Variants in TCERG1L observed in about 807,000 individuals in gnomAD.
The protein encoded by TCERG1L is transcription elongation regulator 1 like.
In TCERG1L, 37 loss-of-function variants were observed where a neutral mutation model predicts 56.3. The ratio of observed to expected loss-of-function variants is 0.66; its 90% CI spans 0.51 to 0.87. The LOEUF (loss-of-function observed/expected upper bound fraction) is 0.87, where lower values mean the gene tolerates loss of function less well. TCERG1L is among the 40% of genes least tolerant of loss of function. TCERG1L has a pLI of 0.00. For synonymous variants in TCERG1L, 324 were observed against 326.3 expected, an observed-to-expected ratio of 0.99 and a Z score of 0.08; for missense variants, 799 against 774.2, an observed-to-expected ratio of 1.03 and a Z score of -0.38.
chr10:131,285,199 A>T (rs1057267424), intron 3 of TCERG1L, among the ~76,000 whole-genome samples: 8 of 151,844 alleles, frequency 5.3e-5, no homozygotes, highest in African/African-American at 2.4e-5. Flanking sequence ...CCAACATGGT[A>T]AAACCCTGTC....
intron 4 of TCERG1L, among the ~76,000 whole-genome samples, chr10:131,246,000 C>G (rs969855846): frequency 1.3e-5 from 2 of 152,086 alleles, no homozygotes; most frequent in Admixed American, 6.5e-5. Flanking sequence ...AGGCCGAGAG[C>G]CCCCCAAGTG....
chr10:131,110,568 G>A (rs749085990), intron 9 of TCERG1L, among the ~76,000 whole-genome samples: 6 of 152,332 alleles, frequency 3.9e-5, no homozygotes, highest in East Asian at 1.9e-4. Flanking sequence ...CACTGTCCAC[G>A]CCTCCTGCTG....
intron 4 of TCERG1L, among the ~76,000 whole-genome samples, chr10:131,223,830 C>T (rs1399581547): frequency 6.6e-6 from 1 of 151,700 alleles, no homozygotes; most frequent in Non-Finnish European, 1.5e-5. Flanking sequence ...CACCCACGAA[C>T]CCTCCCCTGG....
intron 3 of TCERG1L, among the ~76,000 whole-genome samples, chr10:131,302,483 C>T (rs1370741442): frequency 1.3e-5 from 2 of 151,782 alleles, no homozygotes; most frequent in Non-Finnish European, 2.9e-5. Flanking sequence ...ATATTTCCCC[C>T]AAAACATGTT....
chr10:131,114,958 G>C (rs988825687), intron 9 of TCERG1L, among the ~76,000 whole-genome samples: 2 of 152,180 alleles, frequency 1.3e-5, no homozygotes, highest in African/African-American at 4.8e-5. Flanking sequence ...TTTCCACAAG[G>C]GCCGTGCAGT....
chr10:131,265,979 G>T (rs12248926), intron 3 of TCERG1L, among the ~76,000 whole-genome samples: 1 of 152,180 alleles, frequency 6.6e-6, no homozygotes, highest in Non-Finnish European at 1.5e-5. Flanking sequence ...CATTTTAGCC[G>T]CAGTAGAACT....
intron 4 of TCERG1L, among the ~76,000 whole-genome samples, chr10:131,180,567 T>C (rs1353761411): frequency 2.0e-5 from 3 of 152,196 alleles, no homozygotes; most frequent in Non-Finnish European, 2.9e-5. Context: ...CTGATACGAT[T>C]GTGTAGAAGA....
chr10:131,139,696 G>A lies in TCERG1L; in HGVS notation c.1190-5248C>T, dbSNP rs1378809941. Among the ~76,000 whole-genome samples, 5 of 151,894 alleles carry A rather than the reference G, an allele frequency of 3.3e-5. No homozygotes were observed. The Middle Eastern group carries it at 0.01, about 310-fold the overall frequency. ...TGCATATGTGTGTGTGTGTCTGTGT[G>A]TGTGTGTGTGTGTGTCTGTGTGTAT... On this transcript the variant is annotated intron_variant, in intron 7 of 11. Transcript: ENST00000368642.
intron 3 of TCERG1L, among the ~76,000 whole-genome samples, chr10:131,281,610 T>C (rs377261978): frequency 3.9e-5 from 6 of 152,278 alleles, no homozygotes; most frequent in African/African-American, 1.4e-4. Flanking sequence ...TGCCTGTTTC[T>C]ATTCTTCCCA....
chr10:131,274,276 T>C (rs891199243), intron 3 of TCERG1L, among the ~76,000 whole-genome samples: 5 of 152,206 alleles, frequency 3.3e-5, no homozygotes, highest in Non-Finnish European at 7.3e-5. Context: ...ACGCAGCCTT[T>C]GGGTGGCGGA....
intron 8 of TCERG1L, among the ~76,000 whole-genome samples, chr10:131,130,948 A>C (rs1845612117): frequency 6.6e-6 from 1 of 152,140 alleles, no homozygotes; most frequent in African/African-American, 2.4e-5. Context: ...AATATGGGGT[A>C]ACTGAATTAT....
rs935634126 is a variant in TCERG1L, at chr10:131,267,557, T to C, written c.671-7113A>G. Among the ~76,000 whole-genome samples, 2 of 152,138 alleles carry C rather than the reference T, an allele frequency of 1.3e-5. No homozygotes were observed. Among genetic ancestry groups the C allele is most frequent in the Non-Finnish European group, 2.9e-5 (2 of 68,012 alleles). Reference sequence around the variant, plus strand: ...TTCTCTGCGTCTCCCTCTGCCGCAGTGGTGGCCCTTGCACAAGTGAACCCG... The same window carrying C: ...TTCTCTGCGTCTCCCTCTGCCGCAGCGGTGGCCCTTGCACAAGTGAACCCG... On this transcript the variant is annotated intron_variant, in intron 3 of 11. Coordinates refer to ENST00000368642, the MANE Select transcript of TCERG1L (RefSeq NM_174937.4). The surrounding 1 kb of genome is among the most constrained non-coding windows in gnomAD (Gnocchi z 4.9).
chr10:131,106,876 A>G (rs1198499917), intron 9 of TCERG1L, among the ~76,000 whole-genome samples: 1 of 152,222 alleles, frequency 6.6e-6, no homozygotes, highest in East Asian at 1.9e-4. Flanking sequence ...TTTAACTGTC[A>G]AATTTAAGCC....
chr10:131,165,052 A>T (rs1233624651), intron 5 of TCERG1L, among the ~76,000 whole-genome samples: 2 of 152,230 alleles, frequency 1.3e-5, no homozygotes, highest in African/African-American at 4.8e-5. Flanking sequence ...ATGAGATTAG[A>T]ACAAAAATTA....
At chr10:131,213,229 G>A (rs898584031) in intron 4 of TCERG1L, among the ~76,000 whole-genome samples, 8 of 152,200 alleles carry the variant, frequency 5.3e-5, no homozygotes, top group African/African-American at 1.4e-4. Context: ...CCTGGCACAC[G>A]GGAAGATGGC....
rs140979087 is a variant in TCERG1L, at chr10:131,145,155, A to G, written c.1189+1351T>C. Reference sequence around the variant, plus strand: ...TGATCTGCCTTTGCCAAGCAAATAAAATCATTGTTAGGACAAACTGTGCCT... The same window carrying G: ...TGATCTGCCTTTGCCAAGCAAATAAGATCATTGTTAGGACAAACTGTGCCT... On this transcript the variant is annotated intron_variant, in intron 7 of 11. Coordinates refer to ENST00000368642, the MANE Select transcript of TCERG1L (RefSeq NM_174937.4). Among the ~76,000 whole-genome samples, 740 of 152,340 alleles carry G rather than the reference A, an allele frequency of 4.9e-3. 8 individuals carry two copies. The highest frequency in any genetic ancestry group is 0.016 in the African/African-American group (684 of 41,582).
intron 6 of TCERG1L, among the ~76,000 whole-genome samples, chr10:131,148,387 CAT>C (rs1564801509): frequency 1.3e-5 from 2 of 151,670 alleles, no homozygotes; most frequent in South Asian, 2.1e-4. Context: ...GAGACACACA[CAT>C]AAACACACAG....
intron 11 of TCERG1L, among the ~76,000 whole-genome samples, chr10:131,097,238 C>T (rs1845258346): frequency 6.7e-6 from 1 of 148,448 alleles, no homozygotes; most frequent in Non-Finnish European, 1.5e-5. Context: ...AAACAAAAAA[C>T]TGATGCTGCA....
chr10:131,202,133 C>T (rs1845444241), intron 4 of TCERG1L, among the ~76,000 whole-genome samples: 2 of 152,184 alleles, frequency 1.3e-5, no homozygotes, highest in South Asian at 2.1e-4. Flanking sequence ...TGCATGATCA[C>T]CAGCTGCACG....
Sources: allele counts gnomAD v4.1 joint callset (sites outside exome capture counted in the v4.1 genomes callset), GRCh38; gene constraint gnomAD v4.1.1; non-coding constraint Gnocchi (gnomAD v3.1); transcripts MANE v1.5; gene names NCBI Gene and HGNC (gene_info 2026-07-23, HGNC 2026-07-21).